The following NIBAN1 variants were observed in gnomAD, a reference collection of about 807,000 sequenced individuals.
The protein encoded by NIBAN1 is niban apoptosis regulator 1.
Under a neutral mutation model 75.1 loss-of-function variants are expected in NIBAN1, and 81 were observed. The observed-to-expected ratio is 1.08, with a 90% CI of 0.90 to 1.30. The LOEUF is 1.30. Ranked by LOEUF, NIBAN1 falls within the 50% of genes most tolerant of loss-of-function variation. The pLI, the probability that NIBAN1 is intolerant of heterozygous loss-of-function variation, is 0.00. For missense variants in NIBAN1, 1,133 were observed against 1,128.1 expected (o/e 1.00, Z -0.06); for synonymous variants, 436 against 424.8 (o/e 1.03, Z -0.32).
intron 1 of NIBAN1, among the ~76,000 whole-genome samples, chr1:184,943,548 A>C (rs1256104090): frequency 6.6e-6 from 1 of 152,106 alleles, no homozygotes; most frequent in Non-Finnish European, 1.5e-5. Flanking sequence ...AGCAACAACC[A>C]TATTATTTAG....
chr1:184,952,678 G>T (rs1313058718), intron 1 of NIBAN1, among the ~76,000 whole-genome samples: 1 of 152,230 alleles, frequency 6.6e-6, no homozygotes, highest in African/African-American at 2.4e-5. Flanking sequence ...ACAGGCCATG[G>T]ATTGCACAAG....
chr1:184,968,665 G>T (rs1198344107), intron 1 of NIBAN1, among the ~76,000 whole-genome samples: 1 of 152,146 alleles, frequency 6.6e-6, no homozygotes, highest in Non-Finnish European at 1.5e-5. Flanking sequence ...GACCCAATAA[G>T]GCAGCATTTA....
chr1:184,866,554 A>C (rs1366306948), intron 5 of NIBAN1, among the ~76,000 whole-genome samples: 3 of 152,228 alleles, frequency 2.0e-5, no homozygotes, highest in African/African-American at 7.2e-5. Flanking sequence ...TAATATTTCA[A>C]TTTCAAATCT....
At chr1:184,950,172 AGTCT>A (rs1474512200) in intron 1 of NIBAN1, among the ~76,000 whole-genome samples, 2 of 151,460 alleles carry the variant, frequency 1.3e-5, no homozygotes, top group African/African-American at 2.4e-5. Flanking sequence ...AGTGCAGAGG[AGTCT>A]GTTAATTTAG....
rs368899094 is a variant in NIBAN1 at position 184,798,036 on chromosome 1, C to T, written c.1666+43G>A. On this transcript the variant is annotated intron_variant, in intron 13 of 13. Coordinates refer to ENST00000367511, the MANE Select transcript of NIBAN1 (RefSeq NM_052966.4). ...ACAGAGTCCTATTTCAGGGATGCTC[C>T]CCTCTATGGAGTGTCCCTGCAGCAC... 1.1e-5 allele frequency: 15 copies of T among 1,331,078 alleles called. No homozygotes were observed. In the African/African-American group the frequency reaches 2.2e-4, roughly 19 times the overall value. 82.5% of individuals were successfully genotyped at this position (1,331,078 alleles called of 1,614,324 possible). A position where few individuals can be genotyped will look rare whatever the true frequency, so the allele number is the denominator to read the frequency against.
At chr1:184,949,302 A>G (rs962955403) in intron 1 of NIBAN1, among the ~76,000 whole-genome samples, 2 of 152,300 alleles carry the variant, frequency 1.3e-5, no homozygotes, top group South Asian at 2.1e-4. Context: ...ACCTTGCAGT[A>G]AGCCGAGATT....
chr1:184,823,515 G>T (rs1002302558), intron 7 of NIBAN1, 123 bp downstream of exon 7: 3 of 1,259,982 alleles, frequency 2.4e-6, no homozygotes, highest in African/African-American at 1.5e-5. Context: ...CAGCAGGTTC[G>T]AAGTAGGCAT....
chr1:184,878,891 G>A (rs533103864), intron 5 of NIBAN1, among the ~76,000 whole-genome samples: 2 of 152,292 alleles, frequency 1.3e-5, no homozygotes, highest in African/African-American at 4.8e-5. Context: ...GACCATGAAA[G>A]TCCCTCCCAA....
At chr1:184,928,809 G>T (rs950211235) in intron 1 of NIBAN1, among the ~76,000 whole-genome samples, 3 of 152,072 alleles carry the variant, frequency 2.0e-5, no homozygotes, top group African/African-American at 7.2e-5. Context: ...CCTGATTTTT[G>T]GTTCTTATAA....
At chr1:184,807,764 G>T (rs1006379728) in intron 10 of NIBAN1, among the ~76,000 whole-genome samples, 3 of 152,190 alleles carry the variant, frequency 2.0e-5, no homozygotes, top group African/African-American at 7.2e-5. Context: ...CTGCACGCCA[G>T]CCTGGACATC....
At chr1:184,929,184 G>C (rs1657760921) in intron 1 of NIBAN1, among the ~76,000 whole-genome samples, 2 of 152,084 alleles carry the variant, frequency 1.3e-5, no homozygotes, top group Admixed American at 1.3e-4. Context: ...ATCCCAGCCA[G>C]TCCTTTTCTA....
chr1:184,909,186 A>G (rs1657177044), intron 1 of NIBAN1, among the ~76,000 whole-genome samples: 2 of 152,238 alleles, frequency 1.3e-5, no homozygotes, highest in Admixed American at 6.5e-5. Context: ...GCACATTAAA[A>G]GAAATCAGGC....
chr1:184,951,461 C>A (rs938141399), intron 1 of NIBAN1, among the ~76,000 whole-genome samples: 2 of 152,212 alleles, frequency 1.3e-5, no homozygotes, highest in South Asian at 2.1e-4. Context: ...CAATAAGCAG[C>A]AACTCCATTC....
chr1:184,808,643 C>A (rs761568715), intron 9 of NIBAN1, among the ~76,000 whole-genome samples: 1 of 152,130 alleles, frequency 6.6e-6, no homozygotes, highest in Non-Finnish European at 1.5e-5. Flanking sequence ...CAAAAAACGC[C>A]AGGGAGGTCA....
intron 5 of NIBAN1, among the ~76,000 whole-genome samples, chr1:184,840,956 A>AGTGTGTGT (rs57091998): frequency 1.4e-3 from 214 of 148,082 alleles, no homozygotes; most frequent in African/African-American, 5.1e-3. Flanking sequence ...AAAGAGTGTG[A>AGTGTGTGT]GTGTGTGTGT....
At chr1:184,944,684 G>T (rs1313263577) in intron 1 of NIBAN1, among the ~76,000 whole-genome samples, 1 of 152,172 alleles carries the variant, frequency 6.6e-6, no homozygotes, top group Non-Finnish European at 1.5e-5. Context: ...TGTCATAAAG[G>T]TCTGCAGTAA....
At chr1:184,913,830 C>A (rs1657311245) in intron 1 of NIBAN1, among the ~76,000 whole-genome samples, 1 of 152,182 alleles carries the variant, frequency 6.6e-6, no homozygotes. Flanking sequence ...TCTCTTGAAC[C>A]AGGTGAACTT....
chr1:184,852,031 C>T (rs1050560538), intron 5 of NIBAN1, among the ~76,000 whole-genome samples: 2 of 152,060 alleles, frequency 1.3e-5, no homozygotes, highest in Non-Finnish European at 1.5e-5. Context: ...TAAAGAACTT[C>T]GGTGAGCAGA....
At chr1:184,917,801 C>G (rs1388074564) in intron 1 of NIBAN1, among the ~76,000 whole-genome samples, 4 of 152,162 alleles carry the variant, frequency 2.6e-5, no homozygotes, top group Non-Finnish European at 5.9e-5. Flanking sequence ...CCCACACATG[C>G]ATTCAAGTCC....
Sources: gnomAD v4.1 joint callset for allele counts (sites outside exome capture counted in the v4.1 genomes callset) on GRCh38, gnomAD v4.1.1 for gene constraint, MANE v1.5 for transcripts, NCBI Gene and HGNC (gene_info 2026-07-23, HGNC 2026-07-21) for gene names.